The following GNAQ variants were observed in gnomAD, a reference collection of about 807,000 sequenced individuals.
GNAQ encodes G protein subunit alpha q.
GNAQ carries 8 observed loss-of-function variants against 43.9 expected under a neutral mutation model. The ratio of observed to expected loss-of-function variants is 0.18; its 90% CI spans 0.11 to 0.33. The LOEUF is 0.33. Among genes scored for constraint, GNAQ ranks in the 10% least tolerant of loss-of-function variants. The pLI, the probability that GNAQ is intolerant of heterozygous loss-of-function variation, is 1.00. For synonymous variants in GNAQ, 155 were observed against 170.7 expected (o/e 0.91, Z 0.71); for missense variants, 158 against 450.8 (o/e 0.35, Z 5.88).
At chr9:77,928,591 A>T (rs1829101272) in intron 1 of GNAQ, among the ~76,000 whole-genome samples, 1 of 152,238 alleles carries the variant, frequency 6.6e-6, no homozygotes, top group Non-Finnish European at 1.5e-5. Flanking sequence ...TCACTTGATC[A>T]TACAAGGTTA....
intron 5 of GNAQ, among the ~76,000 whole-genome samples, chr9:77,771,386 A>G (rs1456233311): frequency 6.6e-6 from 1 of 152,220 alleles, no homozygotes; most frequent in Non-Finnish European, 1.5e-5. Context: ...GTATATATTA[A>G]CATGCTGCAA....
At chr9:77,946,142 A>G (rs777932257) in intron 1 of GNAQ, among the ~76,000 whole-genome samples, 3 of 152,234 alleles carry the variant, frequency 2.0e-5, no homozygotes, top group Non-Finnish European at 2.9e-5. Context: ...TCTACAGAAC[A>G]ACCACCATGC....
intron 2 of GNAQ, among the ~76,000 whole-genome samples, chr9:77,836,855 A>C (rs1399801872): frequency 1.3e-5 from 2 of 152,232 alleles, no homozygotes; most frequent in Non-Finnish European, 2.9e-5. Context: ...GACAGTGTAA[A>C]AAAATATAAC....
intron 5 of GNAQ, among the ~76,000 whole-genome samples, chr9:77,788,936 CAGG>C (rs1257088869): frequency 6.6e-6 from 1 of 152,180 alleles, no homozygotes; most frequent in Admixed American, 6.5e-5. Context: ...TCTCAAGCTG[CAGG>C]AGAAGTCACT....
At chr9:77,967,541 C>T (rs1360643553) in intron 1 of GNAQ, among the ~76,000 whole-genome samples, 1 of 152,124 alleles carries the variant, frequency 6.6e-6, no homozygotes, top group Non-Finnish European at 1.5e-5. Context: ...TTAAAAATAT[C>T]ATGGTGACTC....
chr9:77,755,026 A>G (rs1825877560), intron 5 of GNAQ, among the ~76,000 whole-genome samples: 1 of 152,232 alleles, frequency 6.6e-6, no homozygotes, highest in Admixed American at 6.5e-5. Flanking sequence ...TGATACATAT[A>G]CACAATGGAG....
intron 5 of GNAQ, among the ~76,000 whole-genome samples, chr9:77,762,302 G>T (rs1826050540): frequency 6.8e-6 from 1 of 146,328 alleles, no homozygotes; most frequent in Middle Eastern, 3.6e-3. Flanking sequence ...GGAGGTGGGG[G>T]GGTCAGCCCC....
intron 3 of GNAQ, among the ~76,000 whole-genome samples, chr9:77,810,544 C>T (rs1395436285): frequency 1.3e-5 from 2 of 152,124 alleles, no homozygotes; most frequent in Admixed American, 1.3e-4. Flanking sequence ...TAAATAGCAG[C>T]TATTATTGTC....
At chr9:77,779,512 A>G (rs1188304483) in intron 5 of GNAQ, among the ~76,000 whole-genome samples, 1 of 151,844 alleles carries the variant, frequency 6.6e-6, no homozygotes, top group Non-Finnish European at 1.5e-5. Context: ...GAAATAGAAG[A>G]GCAAAGTAAA....
chr9:77,995,493 T>C (rs1007478104), intron 1 of GNAQ, among the ~76,000 whole-genome samples: 2 of 152,062 alleles, frequency 1.3e-5, no homozygotes, highest in South Asian at 2.1e-4. Flanking sequence ...TATTAACATA[T>C]ATATATATTT....
chr9:77,953,242 T>A (rs1823003362), intron 1 of GNAQ, among the ~76,000 whole-genome samples: 1 of 152,216 alleles, frequency 6.6e-6, no homozygotes, highest in Non-Finnish European at 1.5e-5. Flanking sequence ...CCAGGAAATG[T>A]AGGACCAGGT....
At chr9:77,782,497 A>G (rs1253722800) in intron 5 of GNAQ, among the ~76,000 whole-genome samples, 1 of 152,220 alleles carries the variant, frequency 6.6e-6, no homozygotes, top group African/African-American at 2.4e-5. Context: ...TGACCACATC[A>G]GATGCTGGTG....
chr9:77,783,482 C>T (rs1826428754), intron 5 of GNAQ, among the ~76,000 whole-genome samples: 1 of 152,130 alleles, frequency 6.6e-6, no homozygotes, highest in Admixed American at 6.5e-5. Flanking sequence ...TCCTTTATAG[C>T]TGGCTCTTCT....
At chr9:77,901,965 G>A (rs551000801) in intron 2 of GNAQ, among the ~76,000 whole-genome samples, 1 of 152,250 alleles carries the variant, frequency 6.6e-6, no homozygotes, top group South Asian at 2.1e-4. Context: ...TCCCCTTCAT[G>A]AGGGCTCCAC....
In GNAQ at chr9:77,915,860, C is replaced by T. The variant is rs577444313; in HGVS notation, c.321+6301G>A. ...AATCCATGTGTCACTTTATTTTTCA[C>T]GCTGTGTATTTTTGCAGTGAAGATG... On this transcript the variant is annotated intron_variant, in intron 2 of 6. Coordinates refer to ENST00000286548, the MANE Select transcript of GNAQ (RefSeq NM_002072.5). Among the ~76,000 whole-genome samples, 202 of 152,258 alleles carry T rather than the reference C, an allele frequency of 1.3e-3. 1 individual carries two copies. The highest frequency in any genetic ancestry group is 2.2e-3 in the Non-Finnish European group (147 of 68,004).
chr9:77,835,552 ATATAG>A (rs1308944169), intron 2 of GNAQ, among the ~76,000 whole-genome samples: 2 of 152,240 alleles, frequency 1.3e-5, no homozygotes, highest in African/African-American at 4.8e-5. Flanking sequence ...GTAAAATCAT[ATATAG>A]TAAAGACAGA....
intron 3 of GNAQ, among the ~76,000 whole-genome samples, chr9:77,808,209 T>C (rs1178282838): frequency 2.0e-5 from 3 of 152,036 alleles, no homozygotes; most frequent in African/African-American, 2.4e-5. Context: ...CCCAGCCCTT[T>C]TTCCTGTTCC....
At chr9:77,866,925 C>T (rs1055151455) in intron 2 of GNAQ, among the ~76,000 whole-genome samples, 6 of 152,170 alleles carry the variant, frequency 3.9e-5, no homozygotes, top group Non-Finnish European at 8.8e-5. Context: ...TTATGCTTTG[C>T]ATCTTAAACT....
chr9:77,918,097 G>C (rs1230208394), intron 2 of GNAQ, among the ~76,000 whole-genome samples: 1 of 152,092 alleles, frequency 6.6e-6, no homozygotes, highest in African/African-American at 2.4e-5. Context: ...AGAAACCTCA[G>C]TTACTCTGGG....
Sources: allele counts gnomAD v4.1 joint callset (sites outside exome capture counted in the v4.1 genomes callset), GRCh38; gene constraint gnomAD v4.1.1; transcripts MANE v1.5; gene names NCBI Gene and HGNC (gene_info 2026-07-23, HGNC 2026-07-21).